The following LYPD5 variants were observed in gnomAD, a reference collection of about 807,000 sequenced individuals.
LYPD5 encodes LY6/PLAUR domain containing 5, also known as ly6/PLAUR domain-containing protein 5.
LYPD5 carries 21 observed loss-of-function variants against 19.1 expected under a neutral mutation model. That is an observed-to-expected ratio of 1.10 (90% CI 0.78 to 1.58). The LOEUF (loss-of-function observed/expected upper bound fraction) is 1.58, where lower values mean the gene tolerates loss of function less well. Among genes scored for constraint, LYPD5 ranks in the 40% most tolerant of loss-of-function variants. LYPD5 has a pLI of 0.00. For missense variants in LYPD5, 287 were observed against 329.8 expected, an observed-to-expected ratio of 0.87 and a Z score of 1.00; for synonymous variants, 128 against 142.7, an observed-to-expected ratio of 0.90 and a Z score of 0.74.
chr19:43,797,365 C>A lies in LYPD5; in HGVS notation c.*226G>T. On this transcript the variant is annotated 3_prime_UTR_variant, in exon 5 of 5. Coordinates refer to ENST00000377950, the MANE Select transcript of LYPD5 (RefSeq NM_001031749.3). ...TGATCAGAATTGCTCTTCATCGGGG[C>A]ACGACATGGCTGTTTTGCCCTCCCC... The A allele has an allele frequency of 1.9e-6, 1 of 534,002 alleles. No homozygotes were observed. The highest frequency in any genetic ancestry group is 3.3e-6 in the Non-Finnish European group (1 of 300,218). The allele number at this position is 534,002 out of a possible 1,614,324, so 33.1% of individuals were successfully genotyped here.
At chr19:43,802,206 A>AGCCCCTCCTCCC (rs1230218360) in intron 1 of LYPD5, 111 bp downstream of exon 1, 12 of 666,690 alleles carry the variant, frequency 1.8e-5, no homozygotes, top group Admixed American at 3.1e-5. Context: ...TCAGGCCCCC[A>AGCCCCTCCTCCC]ACCCCTCCTC....
chr19:43,813,323 GCT>G (rs1210308949), intron 1 of LYPD5, among the ~76,000 whole-genome samples: 3 of 151,974 alleles, frequency 2.0e-5, no homozygotes, highest in Non-Finnish European at 2.9e-5. Context: ...TCTCTCTCTC[GCT>G]CTCTCTCTTG....
At position 43,797,293 on chromosome 19, in the gene LYPD5, G is replaced by T; in HGVS notation, c.*298C>A. Reference sequence around the variant, plus strand: ...CTGGAGGGAGAGCACAGGAAGCCGTGTTATGGGGTGCCTGGTGCCTGGCTG... The same window carrying T: ...CTGGAGGGAGAGCACAGGAAGCCGTTTTATGGGGTGCCTGGTGCCTGGCTG... On this transcript the variant is annotated 3_prime_UTR_variant, in exon 5 of 5. Coordinates refer to ENST00000377950, the MANE Select transcript of LYPD5 (RefSeq NM_001031749.3). 1 of 385,206 alleles carries T rather than the reference G, an allele frequency of 2.6e-6. No individual in the cohort carries two copies. 23.9% of individuals were successfully genotyped at this position (385,206 alleles called of 1,614,324 possible).
chr19:43,799,781 C>A lies in LYPD5; in HGVS notation c.118G>T (p.Asp40Tyr). The A allele has an allele frequency of 6.2e-7, 1 of 1,613,808 alleles. No homozygotes were observed. Among genetic ancestry groups the A allele is most frequent in the South Asian group, 1.1e-5 (1 of 90,958 alleles). Residue 40 changes from aspartate to tyrosine, a missense_variant, in exon 2 of 5, where the codon GAC becomes TAC. Asp to Tyr is a radical substitution (Grantham distance 160). Transcript: ENST00000377950. ...SFEHTYFGPF[D>Y]LRAMKLPSIS... ...CTGGGCAGCTTCATGGCCCTGAGGT[C>A]AAAGGGGCCAAAGTAGGTGTGCTCA...
chr19:43,802,623 T>C (rs1041703594), upstream of LYPD5, among the ~76,000 whole-genome samples: 1 of 151,996 alleles, frequency 6.6e-6, no homozygotes, highest in East Asian at 1.9e-4. Flanking sequence ...ACCCTTAATT[T>C]TGAATGATTG....
chr19:43,802,460 T>TC, upstream of LYPD5: 1 of 1,333,106 alleles, frequency 7.5e-7, no homozygotes, highest in Non-Finnish European at 1.1e-6. Flanking sequence ...GTCCTAAGCA[T>TC]CCCGGCCACC....
upstream of LYPD5, among the ~76,000 whole-genome samples, chr19:43,807,442 C>T (rs1028182068): frequency 2.0e-5 from 3 of 152,016 alleles, no homozygotes; most frequent in African/African-American, 7.2e-5. Context: ...TGCCACCACG[C>T]CCAGCTAATT....
intron 4 of LYPD5, 98 bp downstream of exon 4, chr19:43,798,332 TCATGCCTCCCACCTCAGAGCAGGGC>T: frequency 8.0e-7 from 1 of 1,251,506 alleles, no homozygotes; most frequent in Non-Finnish European, 1.1e-6. Flanking sequence ...CAGACCAGGG[TCATGCCTCCCACCTCAGAGCAGGGC>T]CATGTCTCCC....
In LYPD5 at chr19:43,802,417, G is replaced by A; in HGVS notation, c.-37C>T. On this transcript the variant is annotated 5_prime_UTR_variant, in exon 1 of 5. Transcript: ENST00000377950. ...GCCACCTGGGACAGCTCCTCCCGCTGTGATGTGCTGCCTGGCTGGTTCTCC... is the reference window on the plus strand; with the variant it reads ...GCCACCTGGGACAGCTCCTCCCGCTATGATGTGCTGCCTGGCTGGTTCTCC... 2 of 1,543,206 alleles carry A rather than the reference G, an allele frequency of 1.3e-6. No individual in the cohort carries two copies. Among genetic ancestry groups the A allele is most frequent in the African/African-American group, 1.4e-5 (1 of 72,996 alleles).
intron 1 of LYPD5, among the ~76,000 whole-genome samples, chr19:43,817,572 CA>C (rs1001930052): frequency 2.0e-5 from 3 of 152,156 alleles, no homozygotes; most frequent in African/African-American, 7.2e-5. Context: ...TTGCAGGGGC[CA>C]AGTGAAATGA....
At chr19:43,800,004 T>C in intron 1 of LYPD5, 170 bp from the exon 2 acceptor site, 1 of 762,930 alleles carries the variant, frequency 1.3e-6, no homozygotes, top group Non-Finnish European at 2.0e-6. Context: ...GCTGTGTCTG[T>C]CTCATGGCAG....
chr19:43,808,037 T>A (rs1970286298), intron 1 of LYPD5, among the ~76,000 whole-genome samples: 1 of 152,252 alleles, frequency 6.6e-6, no homozygotes, highest in South Asian at 2.1e-4. Flanking sequence ...AGTTACCTGA[T>A]CTGGTCATTT....
intron 1 of LYPD5, among the ~76,000 whole-genome samples, chr19:43,808,749 A>G (rs1176835962): frequency 1.3e-5 from 2 of 152,302 alleles, no homozygotes; most frequent in South Asian, 4.1e-4. Context: ...TCAATGATCC[A>G]CTTTGTTTCA....
chr19:43,816,032 C>CTCTA (rs111461643), intron 1 of LYPD5, among the ~76,000 whole-genome samples: 1,925 of 147,840 alleles, frequency 0.013, 17 homozygotes, highest in East Asian at 0.022. Flanking sequence ...CCACGCCCCA[C>CTCTA]TCTATCTATC....
intron 1 of LYPD5, among the ~76,000 whole-genome samples, chr19:43,814,158 A>G (rs1003099843): frequency 1.3e-5 from 2 of 152,188 alleles, no homozygotes; most frequent in Non-Finnish European, 2.9e-5. Flanking sequence ...ATTTCCCAGG[A>G]GCCCATGTAT....
chr19:43,815,808 G>T, intron 1 of LYPD5: 1 of 368,040 alleles, frequency 2.7e-6, no homozygotes. Flanking sequence ...CGCGATCTCA[G>T]CTCACTGCAA....
Position 43,797,620 on chromosome 19 carries a change from C to T in LYPD5, c.727G>A (p.Val243Ile). 1 of 1,610,322 alleles carries T rather than the reference C, an allele frequency of 6.2e-7. No individual in the cohort carries two copies. The highest frequency in any genetic ancestry group is 8.5e-7 in the Non-Finnish European group (1 of 1,177,580). ...ALQVLALLLP[V>I]LLLVGLSA ...GCTGAGAGCCCCACCAGCAGGAGGA[C>T]TGGGAGGAGCAGGGCCAGGACCTGT... Residue 243 changes from valine to isoleucine, a missense_variant, in exon 5 of 5, where the codon GTC (valine) becomes ATC (isoleucine). Val to Ile is a conservative substitution (Grantham distance 29). Coordinates refer to ENST00000377950, the MANE Select transcript of LYPD5 (RefSeq NM_001031749.3).
At chr19:43,811,445 G>C (rs1235610750) in intron 1 of LYPD5, among the ~76,000 whole-genome samples, 1 of 152,198 alleles carries the variant, frequency 6.6e-6, no homozygotes, top group African/African-American at 2.4e-5. Context: ...CAGCACTTTG[G>C]GAGGCCAAGG....
At chr19:43,807,287 CTT>C (rs71903986), upstream of LYPD5, among the ~76,000 whole-genome samples, 4 of 116,992 alleles carry the variant, frequency 3.4e-5, no homozygotes, top group Admixed American at 8.5e-5. Context: ...TTTTCTTTTT[CTT>C]TTTTTTTTTT....
Sources: allele counts gnomAD v4.1 joint callset (sites outside exome capture counted in the v4.1 genomes callset), GRCh38; gene constraint gnomAD v4.1.1; transcripts MANE v1.5; gene names NCBI Gene and HGNC (gene_info 2026-07-23, HGNC 2026-07-21).